Variants in SMYD3 observed in about 807,000 individuals in gnomAD.
SMYD3 encodes SET and MYND domain containing 3.
A neutral mutation model predicts 57.7 loss-of-function variants in SMYD3; 36 were observed. That is an observed-to-expected ratio of 0.62 (90% CI 0.48 to 0.82). The LOEUF (loss-of-function observed/expected upper bound fraction) is 0.82, where lower values mean the gene tolerates loss of function less well. Ranked by LOEUF, SMYD3 falls within the 40% of genes least tolerant of loss-of-function variation. The pLI, the probability that SMYD3 is intolerant of heterozygous loss-of-function variation, is 0.00. For synonymous variants in SMYD3, 211 were observed against 195.0 expected (o/e 1.08, Z -0.68); for missense variants, 515 against 538.8 (o/e 0.96, Z 0.44).
intron 1 of SMYD3, among the ~76,000 whole-genome samples, chr1:246,501,357 C>T (rs1353739268): frequency 6.6e-6 from 1 of 152,166 alleles, no homozygotes; most frequent in Non-Finnish European, 1.5e-5. Flanking sequence ...TTCTTAGTAA[C>T]TTCATTATTT....
intron 5 of SMYD3, among the ~76,000 whole-genome samples, chr1:245,933,409 G>A (rs2056832646): frequency 6.6e-6 from 1 of 152,008 alleles, no homozygotes; most frequent in African/African-American, 2.4e-5. Context: ...TATTTAAATT[G>A]TTTTATTATT....
intron 5 of SMYD3, among the ~76,000 whole-genome samples, chr1:246,129,168 A>G (rs10924512): frequency 0.78 from 119,145 of 151,880 alleles, 46,922 homozygotes; most frequent in Admixed American, 0.86. Context: ...GGCAGGGGAC[A>G]GATGGGGAAT....
At chr1:246,403,078 G>A (rs2066798727) in intron 1 of SMYD3, among the ~76,000 whole-genome samples, 1 of 152,194 alleles carries the variant, frequency 6.6e-6, no homozygotes, top group African/African-American at 2.4e-5. Context: ...GCAAACTTCT[G>A]ATAAACCAAT....
At chr1:245,765,045 TACACACACACACAC>T (rs3085339) in intron 10 of SMYD3, among the ~76,000 whole-genome samples, 1 of 134,746 alleles carries the variant, frequency 7.4e-6, no homozygotes, top group African/African-American at 2.8e-5. Context: ...TGGAAATGCC[TACACACACACACAC>T]ACACACACAC....
intron 5 of SMYD3, among the ~76,000 whole-genome samples, chr1:246,120,299 G>A (rs931158147): frequency 6.6e-6 from 1 of 152,102 alleles, no homozygotes; most frequent in Non-Finnish European, 1.5e-5. Context: ...ATATTTTGGG[G>A]TAGCATGTCC....
intron 1 of SMYD3, among the ~76,000 whole-genome samples, chr1:246,437,166 T>C (rs2067392701): frequency 6.6e-6 from 1 of 152,230 alleles, no homozygotes; most frequent in East Asian, 1.9e-4. Context: ...CCCACAGTGC[T>C]GGGATTTCAG....
At chr1:246,020,434 G>A (rs948760711) in intron 5 of SMYD3, among the ~76,000 whole-genome samples, 16 of 152,292 alleles carry the variant, frequency 1.1e-4, no homozygotes, top group African/African-American at 3.4e-4. Context: ...AGCCTACAAA[G>A]TCTGTAAATT....
At chr1:246,315,426 T>C (rs982244367) in intron 5 of SMYD3, among the ~76,000 whole-genome samples, 1 of 152,110 alleles carries the variant, frequency 6.6e-6, no homozygotes, top group African/African-American at 2.4e-5. Context: ...AGGACCTCAA[T>C]AGAGAGGGCG....
chr1:246,227,666 A>G (rs1340359348), intron 5 of SMYD3, among the ~76,000 whole-genome samples: 2 of 152,044 alleles, frequency 1.3e-5, no homozygotes, highest in African/African-American at 4.8e-5. Context: ...GAAGAAGACA[A>G]CTTTGAGTGG....
intron 5 of SMYD3, chr1:246,096,305 C>T (rs1192111029): frequency 6.6e-6 from 1 of 152,222 alleles, no homozygotes; most frequent in Non-Finnish European, 1.5e-5. Flanking sequence ...TCAGAGCAAG[C>T]AGAATAGATG....
intron 1 of SMYD3, among the ~76,000 whole-genome samples, chr1:246,475,215 C>T (rs1300850934): frequency 6.6e-6 from 1 of 151,742 alleles, no homozygotes; most frequent in Non-Finnish European, 1.5e-5. Flanking sequence ...GCCTGTAATC[C>T]CAGCTACTTG....
chr1:246,103,435 T>C (rs2061055038), intron 5 of SMYD3, among the ~76,000 whole-genome samples: 2 of 151,454 alleles, frequency 1.3e-5, no homozygotes. Context: ...AGTTTGTCCA[T>C]GTAAAAAGAA....
chr1:246,175,177 T>C (rs2062411881), intron 5 of SMYD3, among the ~76,000 whole-genome samples: 1 of 152,222 alleles, frequency 6.6e-6, no homozygotes, highest in Non-Finnish European at 1.5e-5. Flanking sequence ...CATTCATTTA[T>C]TTACAAAATC....
chr1:245,927,809 C>G (rs1173927489), intron 7 of SMYD3, 122 bp downstream of exon 7: 2 of 711,600 alleles, frequency 2.8e-6, no homozygotes, highest in Non-Finnish European at 2.4e-6. Context: ...TACAAATACT[C>G]TCACTGGCAG....
intron 1 of SMYD3, among the ~76,000 whole-genome samples, chr1:246,442,601 A>AAGT (rs34130482): frequency 0.32 from 48,024 of 151,748 alleles, 8,050 homozygotes; most frequent in East Asian, 0.39. Context: ...AACAAAGTAA[A>AAGT]AGTAGTTACA....
intron 5 of SMYD3, among the ~76,000 whole-genome samples, chr1:245,995,470 T>C (rs1245159159): frequency 6.6e-6 from 1 of 152,218 alleles, no homozygotes; most frequent in African/African-American, 2.4e-5. Context: ...TGCCAACGTG[T>C]TTGGTAAATA....
chr1:245,908,426 A>G (rs940274804), intron 8 of SMYD3, among the ~76,000 whole-genome samples: 2 of 152,240 alleles, frequency 1.3e-5, no homozygotes, highest in African/African-American at 2.4e-5. Context: ...CAGTGGACAG[A>G]TCATCTAGAC....
chr1:246,406,280 C>G (rs1438208231), intron 1 of SMYD3, among the ~76,000 whole-genome samples: 2 of 152,042 alleles, frequency 1.3e-5, no homozygotes, highest in Non-Finnish European at 2.9e-5. Context: ...TTAAATGACA[C>G]AATGTTTGTA....
At chr1:246,432,017 G>A (rs2067302604) in intron 1 of SMYD3, among the ~76,000 whole-genome samples, 1 of 152,102 alleles carries the variant, frequency 6.6e-6, no homozygotes, top group Non-Finnish European at 1.5e-5. Context: ...CAACTCAATA[G>A]ACATGTATTT....
Sources: gnomAD v4.1 joint callset for allele counts (sites outside exome capture counted in the v4.1 genomes callset) on GRCh38, gnomAD v4.1.1 for gene constraint, MANE v1.5 for transcripts, NCBI Gene and HGNC (gene_info 2026-07-23, HGNC 2026-07-21) for gene names.